Variants in PTPRD observed in about 807,000 individuals in gnomAD.
PTPRD encodes the protein protein tyrosine phosphatase receptor type D, also known as receptor-type tyrosine-protein phosphatase delta.
PTPRD carries 34 observed loss-of-function variants against 214.5 expected under a neutral mutation model. The observed-to-expected ratio is 0.16, with a 90% CI of 0.12 to 0.21. The LOEUF is 0.21. Among genes scored for constraint, PTPRD ranks in the 10% least tolerant of loss-of-function variants. PTPRD has a pLI of 1.00. For missense variants in PTPRD, 2,545 were observed against 2,398.7 expected (o/e 1.06, Z -1.27); for synonymous variants, 1,128 against 845.7 (o/e 1.33, Z -5.79).
chr9:8,443,661 T>C (rs1400483425), intron 34 of PTPRD, among the ~76,000 whole-genome samples: 1 of 152,124 alleles, frequency 6.6e-6, no homozygotes. Context: ...CACTATAGTT[T>C]TGGTTTTGTT....
At chr9:9,002,501 T>C (rs1325086619) in intron 11 of PTPRD, among the ~76,000 whole-genome samples, 1 of 152,044 alleles carries the variant, frequency 6.6e-6, no homozygotes, top group Admixed American at 6.6e-5. Context: ...TATGCCTGTT[T>C]CTTTTATAAT....
intron 5 of PTPRD, among the ~76,000 whole-genome samples, chr9:9,929,226 C>T (rs1358504601): frequency 6.6e-6 from 1 of 152,190 alleles, no homozygotes; most frequent in Non-Finnish European, 1.5e-5. Flanking sequence ...GAAGGATTAT[C>T]AAGAGTAAAT....
At chr9:8,492,435 T>C (rs1376573132) in intron 27 of PTPRD, among the ~76,000 whole-genome samples, 2 of 152,180 alleles carry the variant, frequency 1.3e-5, no homozygotes, top group Non-Finnish European at 2.9e-5. Context: ...CTTAATTGCC[T>C]ATACGCTTTT....
chr9:9,445,606 C>T (rs563269856), intron 8 of PTPRD, among the ~76,000 whole-genome samples: 1 of 152,146 alleles, frequency 6.6e-6, no homozygotes, highest in African/African-American at 2.4e-5. Context: ...AGGAGAAGTG[C>T]CAAGCAAAGG....
chr9:8,849,755 GGT>G (rs973967804), intron 11 of PTPRD, among the ~76,000 whole-genome samples: 23 of 152,312 alleles, frequency 1.5e-4, no homozygotes, highest in African/African-American at 4.3e-4. Context: ...ACAGGGCTAT[GGT>G]GAGGGAGAAG....
intron 4 of PTPRD, among the ~76,000 whole-genome samples, chr9:10,010,454 GAAAATGAGGGAGGGGATTGGTGA>G (rs1250953368): frequency 6.6e-6 from 1 of 151,432 alleles, no homozygotes; most frequent in African/African-American, 2.4e-5. Flanking sequence ...ACTTTTGGTG[GAAAATGAGGGAGGGGATTGGTGA>G]AAAATGAGGA....
chr9:8,780,864 G>C (rs2095665991), intron 11 of PTPRD, among the ~76,000 whole-genome samples: 1 of 152,220 alleles, frequency 6.6e-6, no homozygotes, highest in Admixed American at 6.5e-5. Context: ...TGTATCAATT[G>C]TGGAGGTACG....
chr9:9,864,522 G>A (rs1403430964), intron 5 of PTPRD, among the ~76,000 whole-genome samples: 1 of 151,858 alleles, frequency 6.6e-6, no homozygotes, highest in Non-Finnish European at 1.5e-5. Flanking sequence ...TTTACTTTTT[G>A]TTTGTTTGTT....
At chr9:8,593,122 G>A (rs2094236020) in intron 14 of PTPRD, among the ~76,000 whole-genome samples, 1 of 152,120 alleles carries the variant, frequency 6.6e-6, no homozygotes, top group Non-Finnish European at 1.5e-5. Flanking sequence ...GGACTTCTTT[G>A]GAAAGTCATA....
At chr9:10,517,628 A>G (rs2050581068) in intron 2 of PTPRD, among the ~76,000 whole-genome samples, 1 of 152,026 alleles carries the variant, frequency 6.6e-6, no homozygotes, top group African/African-American at 2.4e-5. Flanking sequence ...GAATGTATCA[A>G]TATCTATAGT....
At chr9:9,474,768 T>C (rs538815593) in intron 8 of PTPRD, among the ~76,000 whole-genome samples, 2 of 152,132 alleles carry the variant, frequency 1.3e-5, no homozygotes, top group South Asian at 2.1e-4. Flanking sequence ...TTTCTACTAA[T>C]TTTATGTTAA....
chr9:8,931,933 T>G (rs929679864), intron 11 of PTPRD, among the ~76,000 whole-genome samples: 1 of 152,186 alleles, frequency 6.6e-6, no homozygotes. Flanking sequence ...CTTCTAGATG[T>G]TCTCATTTAT....
chr9:9,508,984 C>G (rs1421084908), intron 8 of PTPRD, among the ~76,000 whole-genome samples: 1 of 151,346 alleles, frequency 6.6e-6, no homozygotes, highest in Non-Finnish European at 1.5e-5. Context: ...GAAACCGTTC[C>G]AATTGTCCAA....
chr9:8,873,708 G>C (rs1473945221), intron 11 of PTPRD, among the ~76,000 whole-genome samples: 3 of 152,002 alleles, frequency 2.0e-5, no homozygotes, highest in Non-Finnish European at 2.9e-5. Context: ...TTATGTAAGT[G>C]GTTGATTTTA....
At chr9:8,763,753 G>T (rs141681810) in intron 11 of PTPRD, among the ~76,000 whole-genome samples, 43 of 150,928 alleles carry the variant, frequency 2.8e-4, no homozygotes, top group African/African-American at 1.0e-3. Flanking sequence ...AGAAGAGAAT[G>T]ATCATAAGTT....
chr9:10,232,609 A>T (rs1216202522), intron 3 of PTPRD, among the ~76,000 whole-genome samples: 2 of 151,978 alleles, frequency 1.3e-5, no homozygotes. Flanking sequence ...GAGTCTTGTA[A>T]TTACCTTAAG....
chr9:9,482,193 C>T (rs918999364), intron 8 of PTPRD, among the ~76,000 whole-genome samples: 1 of 151,902 alleles, frequency 6.6e-6, no homozygotes, highest in Non-Finnish European at 1.5e-5. Context: ...TTTTAATAGA[C>T]ACAAAATTTT....
intron 14 of PTPRD, among the ~76,000 whole-genome samples, chr9:8,566,008 G>C (rs971617521): frequency 6.6e-6 from 1 of 152,024 alleles, no homozygotes; most frequent in Non-Finnish European, 1.5e-5. Context: ...TTATAAACCA[G>C]GGCTCCCAGG....
intron 3 of PTPRD, among the ~76,000 whole-genome samples, chr9:10,175,911 G>C (rs1421988378): frequency 2.6e-5 from 4 of 151,934 alleles, no homozygotes; most frequent in African/African-American, 9.7e-5. Context: ...CATAAAGGAA[G>C]GTTATTCTTA....
Sources: allele counts gnomAD v4.1 joint callset (sites outside exome capture counted in the v4.1 genomes callset), GRCh38; gene constraint gnomAD v4.1.1; transcripts MANE v1.5; gene names NCBI Gene and HGNC (gene_info 2026-07-23, HGNC 2026-07-21).